FRAS1: variants seen among roughly 807,000 people sequenced by gnomAD.
The protein encoded by FRAS1 is extracellular matrix organizing protein FRAS1.
In FRAS1, 290 loss-of-function variants were observed where a neutral mutation model predicts 435.2. The ratio of observed to expected loss-of-function variants is 0.67; its 90% CI spans 0.61 to 0.73. The LOEUF is 0.73. FRAS1 is among the 30% of genes least tolerant of loss of function. FRAS1 has a pLI of 0.00. For synonymous variants in FRAS1, 1,800 were observed against 1,851.0 expected, an observed-to-expected ratio of 0.97 and a Z score of 0.71; for missense variants, 4,860 against 5,001.5, an observed-to-expected ratio of 0.97 and a Z score of 0.85.
At chr4:78,421,815 A>G (rs747687269) in intron 33 of FRAS1, 48 bp from the exon 34 acceptor site, 3 of 1,601,582 alleles carry the variant, frequency 1.9e-6, no homozygotes, top group South Asian at 2.2e-5. Context: ...TCATTCAGTC[A>G]GTGATGAGAA....
rs1295482315 is a variant in FRAS1 at position 78,479,652 on chromosome 4, A to C, written c.8377A>C (p.Ser2793Arg). The C allele has an allele frequency of 1.2e-6, 2 of 1,613,348 alleles. No individual in the cohort carries two copies. Among genetic ancestry groups the C allele is most frequent in the African/African-American group, 2.7e-5 (2 of 74,930 alleles). ...GRVATAKVLISGPNDASTVSL... is the reference protein window; with the variant it reads ...GRVATAKVLIRGPNDASTVSL... ...GGTGGCGACAGCCAAGGTGCTCATTAGTGGTCCCAACGATGCCTCGACTGT... is the reference window on the plus strand; with the variant it reads ...GGTGGCGACAGCCAAGGTGCTCATTCGTGGTCCCAACGATGCCTCGACTGT... Residue 2793 changes from serine to arginine, a missense_variant, in exon 56 of 74, where the codon AGT becomes CGT. Physicochemically the swap from Ser to Arg is moderately radical, Grantham distance 110. Transcript: ENST00000512123.
chr4:78,465,242 G>A (rs1719491072), intron 49 of FRAS1, among the ~76,000 whole-genome samples: 1 of 152,234 alleles, frequency 6.6e-6, no homozygotes, highest in Non-Finnish European at 1.5e-5. Context: ...TCTAGGCTCT[G>A]CTGTAGATGC....
At chr4:78,090,429 A>G (rs1048313644) in intron 2 of FRAS1, among the ~76,000 whole-genome samples, 2 of 152,216 alleles carry the variant, frequency 1.3e-5, no homozygotes, top group Admixed American at 6.5e-5. Flanking sequence ...CTAAGTTTAA[A>G]GCTATTTTTT....
intron 32 of FRAS1, among the ~76,000 whole-genome samples, chr4:78,415,686 T>C (rs965686540): frequency 2.0e-5 from 3 of 152,152 alleles, no homozygotes; most frequent in Non-Finnish European, 4.4e-5. Flanking sequence ...GAAAACGCAG[T>C]AAGAAATGAG....
At position 78,446,816 on chromosome 4, in the gene FRAS1, C is replaced by T. The variant is rs954436013; in HGVS notation, c.5946C>T (p.Ser1982=). 1 of 1,612,682 alleles carries T rather than the reference C, an allele frequency of 6.2e-7. No homozygotes were observed. Among genetic ancestry groups the T allele is most frequent in the African/African-American group, 1.3e-5 (1 of 74,860 alleles). ...SGVVISNSSL[S]LQDLDTPDNE... is the part of the protein sequence containing the mutation. ...TGGTGATAAGCAATTCTTCTTTGAG[C>T]CTGCAAGACCTGGACACCCCAGATA... is the stretch of plus-strand genomic sequence containing the variant. The change falls in exon 43 of 74, where the codon AGC becomes AGT. Residue 1982 remains serine (S), a synonymous_variant. Transcript: ENST00000512123.
intron 2 of FRAS1, among the ~76,000 whole-genome samples, chr4:78,096,353 T>C (rs1334582177): frequency 1.3e-5 from 2 of 152,314 alleles, no homozygotes; most frequent in East Asian, 1.9e-4. Flanking sequence ...AAGCTGTTGG[T>C]GGATCTACCA....
At chr4:78,115,477 T>G (rs191262037) in intron 2 of FRAS1, among the ~76,000 whole-genome samples, 34 of 152,342 alleles carry the variant, frequency 2.2e-4, no homozygotes, top group Non-Finnish European at 8.8e-5. Flanking sequence ...TTTTGGTTGG[T>G]AAGCTATTAA....
Position 78,181,003 on chromosome 4 carries a change from G to A in FRAS1, c.109-56507G>A, listed in dbSNP as rs1721976266. 73 of 1,607,566 alleles carry A rather than the reference G, an allele frequency of 4.5e-5. 1 individual carries two copies. The South Asian group carries it at 7.3e-4, about 16-fold the overall frequency. On this transcript the variant is annotated intron_variant, in intron 2 of 73. Coordinates refer to ENST00000512123, the MANE Select transcript of FRAS1 (RefSeq NM_025074.7). The stretch of plus-strand genomic sequence containing the variant: ...CCTCCCCTGCCGCCACGTCCTGGGC[G>A]GCCAAGGTCTCCAAAATTGATCTCC...
At position 78,429,054 on chromosome 4, in the gene FRAS1, G is replaced by GTGTGTA. The variant is rs1278027978; in HGVS notation, c.4712-36_4712-35insATGTGT. 1.9e-6 allele frequency: 3 copies of GTGTGTA among 1,542,324 alleles called. No homozygotes were observed. The African/African-American group carries it at 4.1e-5, about 21-fold the overall frequency. On this transcript the variant is annotated intron_variant, in intron 35 of 73. Transcript: ENST00000512123. ...TGTGTGTGTGCGTGTCTCTGTGTGTGTGTGTGTGTCTCTGTGTGTGTGTGC... is the reference window on the plus strand; with the variant it reads ...TGTGTGTGTGCGTGTCTCTGTGTGTGTGTGTATGTGTGTGTCTCTGTGTGTGTGTGC...
intron 15 of FRAS1, among the ~76,000 whole-genome samples, chr4:78,312,198 A>T (rs1729053768): frequency 6.7e-6 from 1 of 148,438 alleles, no homozygotes; most frequent in Non-Finnish European, 1.5e-5. Flanking sequence ...ATATATATAT[A>T]TGGGTTTAAG....
Position 78,450,348 on chromosome 4 carries a change from G to GT in FRAS1, c.6463+11dup. 6.2e-7 allele frequency: 1 copy of GT among 1,613,032 alleles called. No homozygotes were observed. The highest frequency in any genetic ancestry group is 8.5e-7 in the Non-Finnish European group (1 of 1,179,086). On this transcript the variant is annotated intron_variant, in intron 45 of 73. Transcript: ENST00000512123. Reference sequence around the variant, plus strand: ...GGCAGACATTAGCCAAGGTCAGCCAGTTCTCTTCTGCCTACCAGGCTTCCG... The same window carrying GT: ...GGCAGACATTAGCCAAGGTCAGCCAGTTTCTCTTCTGCCTACCAGGCTTCCG...
At chr4:78,302,359 G>C (rs1278810920) in intron 14 of FRAS1, among the ~76,000 whole-genome samples, 1 of 151,152 alleles carries the variant, frequency 6.6e-6, no homozygotes, top group Non-Finnish European at 1.5e-5. Context: ...ATAGTCCTTT[G>C]GGTATATACC....
chr4:78,196,528 A>C (rs1203284831), intron 2 of FRAS1, among the ~76,000 whole-genome samples: 1 of 151,966 alleles, frequency 6.6e-6, no homozygotes, highest in Non-Finnish European at 1.5e-5. Flanking sequence ...AATAATCCTT[A>C]TTTACTCTTA....
intron 2 of FRAS1, among the ~76,000 whole-genome samples, chr4:78,116,099 T>C (rs1235636947): frequency 6.6e-6 from 1 of 152,224 alleles, no homozygotes; most frequent in Non-Finnish European, 1.5e-5. Flanking sequence ...CCAGTAGTCA[T>C]TCAGGAGCAG....
intron 2 of FRAS1, among the ~76,000 whole-genome samples, chr4:78,083,466 A>G (rs1195444154): frequency 2.0e-5 from 3 of 152,148 alleles, no homozygotes; most frequent in Non-Finnish European, 4.4e-5. Context: ...TACCCTTAGC[A>G]TGTCAGAACA....
intron 2 of FRAS1, among the ~76,000 whole-genome samples, chr4:78,113,971 G>A (rs1038305671): frequency 6.6e-6 from 1 of 151,992 alleles, no homozygotes; most frequent in East Asian, 1.9e-4. Context: ...GGTCTAACAT[G>A]TAAGTCTTTA....
chr4:78,458,220 T>C (rs1029932899), intron 47 of FRAS1, among the ~76,000 whole-genome samples: 2 of 152,166 alleles, frequency 1.3e-5, no homozygotes, highest in African/African-American at 4.8e-5. Context: ...TCCTCATTCC[T>C]CACTAGTTTT....
At chr4:78,229,604 G>T (rs146878046) in intron 2 of FRAS1, among the ~76,000 whole-genome samples, 10 of 152,218 alleles carry the variant, frequency 6.6e-5, no homozygotes, top group African/African-American at 2.4e-4. Context: ...TGTCCTGCCT[G>T]GGTAGTCTGT....
intron 3 of FRAS1, among the ~76,000 whole-genome samples, chr4:78,243,085 A>G (rs561426347): frequency 9.2e-5 from 14 of 152,314 alleles, no homozygotes; most frequent in Non-Finnish European, 7.4e-5. Flanking sequence ...AGACAATGCC[A>G]TTCAAAGGAG....
Sources: allele counts gnomAD v4.1 joint callset (sites outside exome capture counted in the v4.1 genomes callset), GRCh38; gene constraint gnomAD v4.1.1; transcripts MANE v1.5; gene names NCBI Gene and HGNC (gene_info 2026-07-23, HGNC 2026-07-21).